Variants in MYOF observed in about 807,000 individuals in gnomAD.
MYOF encodes myoferlin, also known as fer-1-like 3, myoferlin.
MYOF carries 244 observed loss-of-function variants against 284.2 expected under a neutral mutation model. That is an observed-to-expected ratio of 0.86 (90% CI 0.77 to 0.95). The LOEUF is 0.95. Ranked by LOEUF, MYOF falls within the 40% of genes least tolerant of loss-of-function variation. The pLI, the probability that MYOF is intolerant of heterozygous loss-of-function variation, is 0.00. For missense variants in MYOF, 2,496 were observed against 2,560.6 expected (o/e 0.97, Z 0.54); for synonymous variants, 904 against 919.7 (o/e 0.98, Z 0.31).
chr10:93,338,291 C>G (rs933469437), intron 39 of MYOF: 1 of 459,426 alleles, frequency 2.2e-6, no homozygotes, highest in African/African-American at 2.0e-5. Flanking sequence ...TCTACTATCT[C>G]ATTTTCTTAG....
Position 93,373,034 on chromosome 10 carries a change from T to C in MYOF, c.2353A>G (p.Arg785Gly), listed in dbSNP as rs1311861752. The C allele has an allele frequency of 1.2e-6, 2 of 1,614,052 alleles. No homozygotes were observed. Among genetic ancestry groups the C allele is most frequent in the Admixed American group, 1.7e-5 (1 of 60,008 alleles). Residue 785 changes from arginine to glycine, a missense_variant, in exon 24 of 54, where the codon AGA becomes GGA. Physicochemically the swap from Arg to Gly is moderately radical, Grantham distance 125. Transcript: ENST00000359263. ...IIIWMIRGEK[R>G]LAYARIPAHQ... ...GCGGGAATTCGTGCATAGGCCAGTC[T>C]CTTCTCTCCCCGGATCATCCAGATG...
Position 93,328,903 on chromosome 10 carries a change from A to G in MYOF, c.4991T>C (p.Val1664Ala). Residue 1664 changes from valine (V) to alanine (A), a missense_variant, in exon 45 of 54, where the codon GTC becomes GCC. By Grantham distance (64) the Val-to-Ala change is moderately conservative. This residue lies in a region of MYOF where 2,436 missense variants were observed against 2,480.7 expected (regional missense o/e 0.98). Coordinates refer to ENST00000359263, the MANE Select transcript of MYOF (RefSeq NM_013451.4). ...GIPEEYCVSG[V>A]NTWRDQLRPT... ...TCTCAGTTGATCTCGCCAGGTATTG[A>G]CTCCAGAACTGTGAATAGCATCACG... The G allele has an allele frequency of 6.2e-7, 1 of 1,603,726 alleles. No homozygotes were observed. The highest frequency in any genetic ancestry group is 1.1e-5 in the South Asian group (1 of 90,336).
At chr10:93,410,609 C>A (rs141959849) in intron 5 of MYOF, among the ~76,000 whole-genome samples, 1 of 152,308 alleles carries the variant, frequency 6.6e-6, no homozygotes, top group Non-Finnish European at 1.5e-5. Flanking sequence ...CTGCCTACTA[C>A]CTCTCCTCTT....
rs781611138 is a variant in MYOF at position 93,347,679 on chromosome 10, C to A, written c.4187G>T (p.Arg1396Leu). The A allele has an allele frequency of 6.2e-7, 1 of 1,614,052 alleles. No homozygotes were observed. Among genetic ancestry groups the A allele is most frequent in the Non-Finnish European group, 8.5e-7 (1 of 1,180,032 alleles). Residue 1396 changes from arginine (R) to leucine (L), a missense_variant, in exon 37 of 54, where the codon CGC (arginine) becomes CTC (leucine). By Grantham distance (102) the Arg-to-Leu change is moderately radical. This residue lies in a region of MYOF where 2,436 missense variants were observed against 2,480.7 expected (regional missense o/e 0.98). Transcript: ENST00000359263. Reference protein sequence around the residue: ...KPVVGQCTIERLDRFRCDPYA... With the variant: ...KPVVGQCTIELLDRFRCDPYA... Reference sequence around the variant, plus strand: ...AGGGTCACAGCGAAAGCGGTCCAGGCGCTCGATGGTGCACTGGCCGACGAC... The same window carrying A: ...AGGGTCACAGCGAAAGCGGTCCAGGAGCTCGATGGTGCACTGGCCGACGAC...
At chr10:93,310,496 G>A (rs1564607241) in intron 52 of MYOF, 38 bp downstream of exon 52, 2 of 1,593,378 alleles carry the variant, frequency 1.3e-6, no homozygotes, top group Non-Finnish European at 1.7e-6. Context: ...TCAGCCTGCA[G>A]GTGTTTGGGG....
At chr10:93,427,779 T>C (rs1477913880) in intron 4 of MYOF, among the ~76,000 whole-genome samples, 1 of 152,120 alleles carries the variant, frequency 6.6e-6, no homozygotes. Flanking sequence ...TACTAGTTCC[T>C]TACAAGAGAC....
At position 93,351,545 on chromosome 10, in the gene MYOF, G is replaced by C; in HGVS notation, c.3690C>G (p.Ser1230Arg). ...QVGKDEFLGR[S>R]IFSPVVKLNS... ...TCAGTTTCACCACAGGAGAGAAAAT[G>C]CTTCGTCCTAAAAATTCATCTTTGC... is the stretch of plus-strand genomic sequence containing the variant. The change falls in exon 34 of 54, where the codon AGC becomes AGG. Residue 1230 changes from serine to arginine, a missense_variant. By Grantham distance (110) the Ser-to-Arg change is moderately radical. This residue lies in a region of MYOF where 2,436 missense variants were observed against 2,480.7 expected (regional missense o/e 0.98). Coordinates refer to ENST00000359263, the MANE Select transcript of MYOF (RefSeq NM_013451.4). 6.2e-6 allele frequency: 10 copies of C among 1,614,128 alleles called. No homozygotes were observed. Among genetic ancestry groups the C allele is most frequent in the Non-Finnish European group, 8.5e-6 (10 of 1,180,012 alleles).
In MYOF at chr10:93,394,448, CTTTTTTTTTTT is replaced by C. The variant is rs33970988; in HGVS notation, c.1418-1504_1418-1494del. Among the ~76,000 whole-genome samples, 23 of 28,696 alleles carry C rather than the reference CTTTTTTTTTTT, an allele frequency of 8.0e-4. 1 individual carries two copies. The highest frequency in any genetic ancestry group is 1.3e-3 in the African/African-American group (12 of 8,910). The allele number at this position is 28,696 out of a possible 152,430, so 18.8% of individuals were successfully genotyped here. A position where few individuals can be genotyped will look rare whatever the true frequency, so the allele number is the denominator to read the frequency against. ...ATATCTCCTTTGGTCACCATCTTGT[CTTTTTTTTTTT>C]TTTTTTTTTTTTTTTTTTTGAGACA... is the stretch of plus-strand genomic sequence containing the variant. On this transcript the variant is annotated intron_variant, in intron 16 of 53. Transcript: ENST00000359263.
intron 47 of MYOF, 40 bp downstream of exon 47, chr10:93,323,230 G>A: frequency 6.2e-7 from 1 of 1,613,320 alleles, no homozygotes; most frequent in Non-Finnish European, 8.5e-7. Flanking sequence ...CAAGTCCCCA[G>A]CCCAGTGTAT....
At chr10:93,383,542 T>C (rs577716840) in intron 19 of MYOF, among the ~76,000 whole-genome samples, 88 of 152,302 alleles carry the variant, frequency 5.8e-4, no homozygotes, top group African/African-American at 2.0e-3. Context: ...TCAAGAGCTC[T>C]GCTTAACTAC....
intron 19 of MYOF, 99 bp downstream of exon 19, chr10:93,387,698 C>T (rs1468955934): frequency 1.4e-5 from 12 of 869,370 alleles, no homozygotes; most frequent in African/African-American, 5.0e-5. Flanking sequence ...ATGAGGGCCT[C>T]ATTGTGAGTT....
At chr10:93,386,879 C>T (rs1221490651) in intron 19 of MYOF, among the ~76,000 whole-genome samples, 3 of 152,170 alleles carry the variant, frequency 2.0e-5, no homozygotes, top group Non-Finnish European at 4.4e-5. Context: ...GGAGAACTCA[C>T]GGCAGTTGGG....
chr10:93,395,396 T>A (rs775727452), intron 16 of MYOF, among the ~76,000 whole-genome samples: 2 of 152,188 alleles, frequency 1.3e-5, no homozygotes, highest in African/African-American at 2.4e-5. Context: ...CGAGCTGAGA[T>A]CACGCCACTG....
chr10:93,318,257 C>T (rs1444056497), intron 49 of MYOF, among the ~76,000 whole-genome samples: 1 of 151,644 alleles, frequency 6.6e-6, no homozygotes, highest in Non-Finnish European at 1.5e-5. Flanking sequence ...CTTATCTCTA[C>T]AAAAAATACA....
intron 19 of MYOF, among the ~76,000 whole-genome samples, chr10:93,387,473 G>C (rs1174132072): frequency 6.6e-6 from 1 of 152,212 alleles, no homozygotes; most frequent in African/African-American, 2.4e-5. Flanking sequence ...AGGCCCACCA[G>C]CCACCTCTGA....
At chr10:93,446,667 T>C (rs2056438014) in intron 3 of MYOF, among the ~76,000 whole-genome samples, 1 of 151,966 alleles carries the variant, frequency 6.6e-6, no homozygotes, top group African/African-American at 2.4e-5. Context: ...GCCTAGAATT[T>C]ACCTTTTTCT....
chr10:93,449,997 C>T (rs1357371831), intron 3 of MYOF, among the ~76,000 whole-genome samples: 1 of 152,048 alleles, frequency 6.6e-6, no homozygotes, highest in Non-Finnish European at 1.5e-5. Flanking sequence ...TTACTGTACC[C>T]CTGTAATCCC....
intron 37 of MYOF, among the ~76,000 whole-genome samples, chr10:93,344,606 C>T (rs1844087940): frequency 6.6e-6 from 1 of 150,440 alleles, no homozygotes; most frequent in African/African-American, 2.4e-5. Flanking sequence ...GGTGAGAGGC[C>T]AGGGGAAGGA....
At chr10:93,403,358 T>A (rs995556520) in intron 9 of MYOF, among the ~76,000 whole-genome samples, 1 of 152,216 alleles carries the variant, frequency 6.6e-6, no homozygotes, top group African/African-American at 2.4e-5. Flanking sequence ...GCTTTACACA[T>A]ACTATCTCAT....
Sources: allele counts gnomAD v4.1 joint callset (sites outside exome capture counted in the v4.1 genomes callset), GRCh38; gene constraint gnomAD v4.1.1; regional missense constraint gnomAD v4.1.1; transcripts MANE v1.5; gene names NCBI Gene and HGNC (gene_info 2026-07-23, HGNC 2026-07-21).